The following BHLHE40 variants were observed in gnomAD, a reference collection of about 807,000 sequenced individuals.
BHLHE40 encodes the protein class E basic helix-loop-helix protein 40.
Under a neutral mutation model 35.7 loss-of-function variants are expected in BHLHE40, and 3 were observed. The observed-to-expected ratio is 0.08, with a 90% confidence interval of 0.04 to 0.22. The LOEUF (loss-of-function observed/expected upper bound fraction) is 0.22, where lower values mean the gene tolerates loss of function less well. BHLHE40 is among the 10% of genes least tolerant of loss of function. The pLI is 1.00. For missense variants in BHLHE40, 486 were observed against 524.0 expected (o/e 0.93, Z 0.71); for synonymous variants, 236 against 213.0 (o/e 1.11, Z -0.94).
At chr3:4,982,120 A>G (rs1332981024) in intron 4 of BHLHE40, among the ~76,000 whole-genome samples, 1 of 152,154 alleles carries the variant, frequency 6.6e-6, no homozygotes, top group Non-Finnish European at 1.5e-5. Context: ...ATAATACTGT[A>G]CAGACTGGGG....
In BHLHE40 at chr3:4,983,855, T is replaced by TGTGTGC; in HGVS notation, c.*163_*164insGTGTGC. ...GTGTGTGTGTGTGTGTGTGTGTGTG[T>TGTGTGC]ATGTGCGTGTGCGTGCACATGTGTG... On this transcript the variant is annotated 3_prime_UTR_variant, in exon 5 of 5. Coordinates refer to ENST00000256495, the MANE Select transcript of BHLHE40 (RefSeq NM_003670.3). This position sits in a 1 kb window ranked among gnomAD's most constrained non-coding sequence, Gnocchi z 5.0. 4.0e-6 allele frequency: 4 copies of TGTGTGC among 989,756 alleles called. No individual in the cohort carries two copies. Among genetic ancestry groups the TGTGTGC allele is most frequent in the Non-Finnish European group, 5.8e-6 (4 of 685,570 alleles). The allele number at this position is 989,756 out of a possible 1,614,324, so 61.3% of individuals were successfully genotyped here. A position where few individuals can be genotyped will look rare whatever the true frequency, so the allele number is the denominator to read the frequency against.
At position 4,979,732 on chromosome 3, in the gene BHLHE40, C is replaced by A. The variant is rs763843136; in HGVS notation, c.14C>A (p.Pro5His). The change falls in exon 1 of 5, where the codon CCC (proline) becomes CAC (histidine). Residue 5 changes from proline to histidine, a missense_variant. By Grantham distance (77) the Pro-to-His change is moderately conservative (BLOSUM62 -2). Around this residue, in one of 5 missense-constraint regions of BHLHE40, gnomAD observed 87 missense variants for 66.7 expected, o/e 1.30. Coordinates refer to ENST00000256495, the MANE Select transcript of BHLHE40 (RefSeq NM_003670.3). MERI[P>H]SAQPPPACLP... ...GCTCGCCGCGCCATGGAGCGGATCCCCAGCGCGCAACCACCCCCCGCCTGC... is the reference window on the plus strand; with the variant it reads ...GCTCGCCGCGCCATGGAGCGGATCCACAGCGCGCAACCACCCCCCGCCTGC... The A allele has an allele frequency of 6.4e-7, 1 of 1,567,074 alleles. No homozygotes were observed. Among genetic ancestry groups the A allele is most frequent in the Non-Finnish European group, 8.6e-7 (1 of 1,156,106 alleles).
In BHLHE40 at chr3:4,982,943, C is replaced by T. The variant is rs2053210523; in HGVS notation, c.490C>T (p.Arg164Trp). The change falls in exon 5 of 5, where the codon CGG becomes TGG. Residue 164 changes from arginine (R) to tryptophan (W), a missense_variant. Physicochemically the swap from Arg to Trp is moderately radical, Grantham distance 101 (BLOSUM62 -3). Coordinates refer to ENST00000256495, the MANE Select transcript of BHLHE40 (RefSeq NM_003670.3). ...GTATCTGGCCAAGCACGAGAACACTCGGGACCTGAAGTCTTCGCAGCTTGT... is the reference window on the plus strand; with the variant it reads ...GTATCTGGCCAAGCACGAGAACACTTGGGACCTGAAGTCTTCGCAGCTTGT... ...LQYLAKHENTRDLKSSQLVTH... is the reference protein window; with the variant it reads ...LQYLAKHENTWDLKSSQLVTH... 6.2e-7 allele frequency: 1 copy of T among 1,614,046 alleles called. No individual in the cohort carries two copies. The highest frequency in any genetic ancestry group is 8.5e-7 in the Non-Finnish European group (1 of 1,179,962).
Position 4,983,281 on chromosome 3 carries a change from C to T in BHLHE40, c.828C>T (p.Gly276=), listed in dbSNP as rs769761877. ...GRRFTMGERI[G]AIKQESEEPP... ...GGTTCACGATGGGAGAAAGGATCGG[C>T]GCAATTAAGCAAGAGTCCGAAGAAC... Residue 276 remains glycine, a synonymous_variant, in exon 5 of 5, where the codon GGC becomes GGT. Transcript: ENST00000256495. This position sits in a 1 kb window ranked among gnomAD's most constrained non-coding sequence, Gnocchi z 5.0. The T allele has an allele frequency of 2.9e-5, 47 of 1,613,998 alleles. 1 individual carries two copies. The highest frequency in any genetic ancestry group is 4.0e-5 in the Non-Finnish European group (47 of 1,180,040).
chr3:4,980,565 G>T (rs377380988), intron 3 of BHLHE40, among the ~76,000 whole-genome samples, 157 bp downstream of exon 3: 41 of 152,296 alleles, frequency 2.7e-4, no homozygotes, highest in African/African-American at 9.1e-4. Flanking sequence ...CAGTCCTGGC[G>T]TTTTCTGGCT....
Position 4,979,641 on chromosome 3 carries a change from G to T in BHLHE40, c.-78G>T. On this transcript the variant is annotated 5_prime_UTR_variant, in exon 1 of 5. Coordinates refer to ENST00000256495, the MANE Select transcript of BHLHE40 (RefSeq NM_003670.3). ...GAACATCTGCGGAGAGACCCCCGAA[G>T]CCCTCTCCAGGGCAGTCCTCATCCA... is the stretch of plus-strand genomic sequence containing the variant. 6.9e-7 allele frequency: 1 copy of T among 1,446,278 alleles called. No individual in the cohort carries two copies. The highest frequency in any genetic ancestry group is 9.4e-7 in the Non-Finnish European group (1 of 1,059,242). 89.6% of individuals were successfully genotyped at this position (1,446,278 alleles called of 1,614,324 possible).
chr3:4,982,999 G>A lies in BHLHE40; in HGVS notation c.546G>A (p.Leu182=). The A allele has an allele frequency of 6.2e-7, 1 of 1,613,438 alleles. No individual in the cohort carries two copies. The highest frequency in any genetic ancestry group is 8.5e-7 in the Non-Finnish European group (1 of 1,179,414). The stretch of plus-strand genomic sequence containing the variant: ...ACCTCCACCGGGTGGTCTCGGAGCT[G>A]CTGCAGGGTGGTACCTCCAGGAAGC... ...VTHLHRVVSE[L]LQGGTSRKPS... is the part of the protein sequence containing the mutation. Residue 182 remains leucine (L), a synonymous_variant, in exon 5 of 5, where the codon CTG becomes CTA. Transcript: ENST00000256495.
At position 4,983,332 on chromosome 3, in the gene BHLHE40, G is replaced by C; in HGVS notation, c.879G>C (p.Gln293His). Reference protein sequence around the residue: ...EEPPTKKNRMQLSDDEGHFTS... With the variant: ...EEPPTKKNRMHLSDDEGHFTS... ...CCCCCACAAAAAAGAACCGGATGCA[G>C]CTTTCGGATGATGAAGGCCATTTCA... The change falls in exon 5 of 5, where the codon CAG (glutamine) becomes CAC (histidine). Residue 293 changes from glutamine (Q) to histidine (H), a missense_variant. Coordinates refer to ENST00000256495, the MANE Select transcript of BHLHE40 (RefSeq NM_003670.3). The surrounding 1 kb of genome is among the most constrained non-coding windows in gnomAD (Gnocchi z 5.0). 1 of 1,614,224 alleles carries C rather than the reference G, an allele frequency of 6.2e-7. No individual in the cohort carries two copies. Among genetic ancestry groups the C allele is most frequent in the South Asian group, 1.1e-5 (1 of 91,090 alleles).
At chr3:4,979,830 C>T in intron 1 of BHLHE40, 32 bp downstream of exon 1, 1 of 1,591,606 alleles carries the variant, frequency 6.3e-7, no homozygotes, top group South Asian at 1.1e-5. Flanking sequence ...CTTCAAGCCT[C>T]AACTGCAGCC....
chr3:4,979,809 A>G lies in BHLHE40; in HGVS notation c.80+11A>G, dbSNP rs1216761872. On this transcript the variant is annotated intron_variant, in intron 1 of 4. Transcript: ENST00000256495. Reference sequence around the variant, plus strand: ...CGGAGACCTACCAGGGTAAGTTGGCACTCCTTGGCCCTTCAAGCCTCAACT... The same window carrying G: ...CGGAGACCTACCAGGGTAAGTTGGCGCTCCTTGGCCCTTCAAGCCTCAACT... The G allele has an allele frequency of 1.9e-6, 3 of 1,587,814 alleles. No homozygotes were observed. The highest frequency in any genetic ancestry group is 2.7e-5 in the African/African-American group (2 of 73,888).
In BHLHE40 at chr3:4,980,411, A is replaced by G; in HGVS notation, c.258+3A>G. ...TACCCGAACATCTCAAACTTACAGTAAGTGAGAAGCTGGCCCCTTTCCAAC... is the reference window on the plus strand; with the variant it reads ...TACCCGAACATCTCAAACTTACAGTGAGTGAGAAGCTGGCCCCTTTCCAAC... On this transcript the variant is annotated splice_donor_region_variant and intron_variant, in intron 3 of 4. Transcript: ENST00000256495. 1 of 1,612,448 alleles carries G rather than the reference A, an allele frequency of 6.2e-7. No individual in the cohort carries two copies. Among genetic ancestry groups the G allele is most frequent in the Non-Finnish European group, 8.5e-7 (1 of 1,178,600 alleles).
chr3:4,980,993 C>T (rs1392111503), intron 3 of BHLHE40, among the ~76,000 whole-genome samples: 1 of 151,874 alleles, frequency 6.6e-6, no homozygotes, highest in Non-Finnish European at 1.5e-5. Context: ...ATAGAGGTCC[C>T]TCTCTGAGTT....
Position 4,979,982 on chromosome 3 carries a change from A to G in BHLHE40, c.101A>G (p.Tyr34Cys). ...TGCAGGATGTACCCTGCCCACATGT[A>G]CCAAGTGTACAAGTCAAGACGGGGA... ...DLPGMYPAHMYQVYKSRRGIK... is the reference protein window; with the variant it reads ...DLPGMYPAHMCQVYKSRRGIK... The change falls in exon 2 of 5, where the codon TAC (tyrosine) becomes TGC (cysteine). Residue 34 changes from tyrosine (Y) to cysteine (C), a missense_variant. Coordinates refer to ENST00000256495, the MANE Select transcript of BHLHE40 (RefSeq NM_003670.3). 6.2e-7 allele frequency: 1 copy of G among 1,614,142 alleles called. No individual in the cohort carries two copies. Among genetic ancestry groups the G allele is most frequent in the Non-Finnish European group, 8.5e-7 (1 of 1,180,008 alleles).
chr3:4,982,848 G>A lies in BHLHE40; in HGVS notation c.395G>A (p.Gly132Glu). Residue 132 changes from glycine to glutamate, a missense_variant, in exon 5 of 5, where the codon GGG (glycine) becomes GAG (glutamate). Gly to Glu is a moderately conservative substitution (Grantham distance 98). Coordinates refer to ENST00000256495, the MANE Select transcript of BHLHE40 (RefSeq NM_003670.3). ...TTTCTTTCCCCAGGTGAGCTGTCAG[G>A]GAGAAATGTCGAAACAGGTCAAGAG... Reference protein sequence around the residue: ...QSGLQAGELSGRNVETGQEMF... With the variant: ...QSGLQAGELSERNVETGQEMF... 6.2e-7 allele frequency: 1 copy of A among 1,614,056 alleles called. No homozygotes were observed. The highest frequency in any genetic ancestry group is 8.5e-7 in the Non-Finnish European group (1 of 1,179,994).
rs2053235946 is a variant in BHLHE40 at position 4,985,168 on chromosome 3, C to A, written c.*1476C>A. On this transcript the variant is annotated 3_prime_UTR_variant, in exon 5 of 5. Coordinates refer to ENST00000256495, the MANE Select transcript of BHLHE40 (RefSeq NM_003670.3). ...AATACTTAATAAAATAATTCTTTTCCTGTGGAAGAGAAAGATGGTCTCCTG... is the reference window on the plus strand; with the variant it reads ...AATACTTAATAAAATAATTCTTTTCATGTGGAAGAGAAAGATGGTCTCCTG... The A allele has an allele frequency of 6.6e-6, 1 of 152,206 alleles. No individual in the cohort carries two copies. The highest frequency in any genetic ancestry group is 1.5e-5 in the Non-Finnish European group (1 of 67,986). The allele number at this position is 152,206 out of a possible 1,614,324, so 9.4% of individuals were successfully genotyped here.
chr3:4,980,916 G>A (rs956677578), intron 3 of BHLHE40, among the ~76,000 whole-genome samples: 22 of 152,004 alleles, frequency 1.4e-4, no homozygotes, highest in African/African-American at 5.1e-4. Context: ...AAAAAGCCTG[G>A]ATGAGCTGGA....
chr3:4,980,494 A>G, intron 3 of BHLHE40, 86 bp downstream of exon 3: 2 of 1,091,148 alleles, frequency 1.8e-6, no homozygotes, highest in Non-Finnish European at 2.8e-6. Context: ...TCCGCGGGGA[A>G]CTGCAGACCA....
intron 3 of BHLHE40, among the ~76,000 whole-genome samples, chr3:4,980,754 C>T (rs190126615): frequency 6.6e-6 from 1 of 152,066 alleles, no homozygotes; most frequent in African/African-American, 2.4e-5. Flanking sequence ...TCTACCACTC[C>T]CCCCACCTTT....
At chr3:4,980,139 C>T (rs2053178718) in intron 2 of BHLHE40, 108 bp downstream of exon 2, 1 of 1,234,060 alleles carries the variant, frequency 8.1e-7, no homozygotes, top group Non-Finnish European at 1.2e-6. Flanking sequence ...AGGGTGTGGG[C>T]TCGGTGCCTC....
Sources: allele counts gnomAD v4.1 joint callset (sites outside exome capture counted in the v4.1 genomes callset), GRCh38; gene constraint gnomAD v4.1.1; regional missense constraint gnomAD v4.1.1; non-coding constraint Gnocchi (gnomAD v3.1); transcripts MANE v1.5; gene names NCBI Gene and HGNC (gene_info 2026-07-23, HGNC 2026-07-21).